The following ABCC1 variants were observed in gnomAD, a reference collection of about 807,000 sequenced individuals.
The protein encoded by ABCC1 is ATP binding cassette subfamily C member 1 (ABCC1 blood group), also known as multidrug resistance-associated protein 1.
Under a neutral mutation model 172.9 loss-of-function variants are expected in ABCC1, and 83 were observed. That is an observed-to-expected ratio of 0.48 (90% CI 0.40 to 0.58). The LOEUF (loss-of-function observed/expected upper bound fraction) is 0.58. ABCC1 is among the 20% of genes least tolerant of loss of function. The pLI is 0.00. For missense variants in ABCC1, 1,817 were observed against 2,002.7 expected (o/e 0.91, Z 1.77); for synonymous variants, 937 against 825.2 (o/e 1.14, Z -2.32).
intron 1 of ABCC1, among the ~76,000 whole-genome samples, chr16:15,954,153 G>A (rs557945784): frequency 1.3e-5 from 2 of 151,642 alleles, no homozygotes; most frequent in East Asian, 3.9e-4. Context: ...GATTACAGGC[G>A]CACAGCCACC....
At chr16:16,033,208 G>A (rs1421631217) in intron 6 of ABCC1, 38 bp downstream of exon 6, 1 of 1,581,200 alleles carries the variant, frequency 6.3e-7, no homozygotes, top group African/African-American at 1.3e-5. Flanking sequence ...GAGGTGGTGG[G>A]GAGTGAATGA....
intron 5 of ABCC1, among the ~76,000 whole-genome samples, chr16:16,026,520 C>T (rs570964540): frequency 1.4e-5 from 2 of 138,234 alleles, no homozygotes; most frequent in East Asian, 4.3e-4. Flanking sequence ...TGTTGGCCTC[C>T]CTATCGGTCA....
intron 1 of ABCC1, among the ~76,000 whole-genome samples, chr16:15,968,249 G>C (rs1005351605): frequency 1.3e-5 from 2 of 152,102 alleles, no homozygotes; most frequent in African/African-American, 4.8e-5. Context: ...AGCCAGGCTG[G>C]TCTCGAATTC....
chr16:16,087,194 C>T (rs1360316356), intron 18 of ABCC1, among the ~76,000 whole-genome samples: 10 of 152,146 alleles, frequency 6.6e-5, no homozygotes, highest in East Asian at 1.9e-4. Context: ...AAGTCCTCCG[C>T]GCAGAGTTAA....
At chr16:16,038,364 C>T (rs963295169) in intron 7 of ABCC1, among the ~76,000 whole-genome samples, 3 of 152,214 alleles carry the variant, frequency 2.0e-5, no homozygotes, top group African/African-American at 7.2e-5. Context: ...TGGTGGAATT[C>T]TCAGTCCATA....
chr16:15,986,430 T>A (rs1020392612), intron 1 of ABCC1, among the ~76,000 whole-genome samples: 3 of 152,194 alleles, frequency 2.0e-5, no homozygotes, highest in African/African-American at 4.8e-5. Flanking sequence ...AAGCCAGCAT[T>A]ACCACCTGAA....
chr16:16,106,683 C>T lies in ABCC1; in HGVS notation c.2736-55C>T, dbSNP rs879050202. ...AATAGCAGTCCCAGCAGGGAGCCCTCCGACCCTGCCCAAGGCATCTGTACG... is the reference window on the plus strand; with the variant it reads ...AATAGCAGTCCCAGCAGGGAGCCCTTCGACCCTGCCCAAGGCATCTGTACG... On this transcript the variant is annotated intron_variant, in intron 20 of 30. Transcript: ENST00000399410. 751 of 1,610,234 alleles carry T rather than the reference C, an allele frequency of 4.7e-4. 3 individuals are homozygous for T. Among genetic ancestry groups the T allele is most frequent in the Admixed American group, 6.5e-4 (39 of 59,936 alleles).
At chr16:15,956,844 G>C (rs2046008512) in intron 1 of ABCC1, among the ~76,000 whole-genome samples, 1 of 152,112 alleles carries the variant, frequency 6.6e-6, no homozygotes, top group Non-Finnish European at 1.5e-5. Flanking sequence ...TGCTATCTCA[G>C]GGATGGCAGA....
chr16:16,138,446 G>A lies in ABCC1; in HGVS notation c.4375G>A (p.Ala1459Thr), dbSNP rs748516564. The change falls in exon 30 of 31, where the codon GCC becomes ACC. Residue 1459 changes from alanine to threonine, a missense_variant. This residue lies in a region of ABCC1 where 1,412 missense variants were observed against 1,600.3 expected (regional missense o/e 0.88). Transcript: ENST00000399410. The part of the protein sequence containing the change: ...KILVLDEATA[A>T]VDLETDDLIQ... ...CCTTGTGTTGGATGAGGCCACGGCA[G>A]CCGTGGACCTGGAAACGGACGACCT... The A allele has an allele frequency of 6.2e-7, 1 of 1,613,074 alleles. No homozygotes were observed. The highest frequency in any genetic ancestry group is 8.5e-7 in the Non-Finnish European group (1 of 1,179,238).
intron 1 of ABCC1, among the ~76,000 whole-genome samples, chr16:15,967,726 C>G (rs2151522411): frequency 1.4e-5 from 2 of 147,674 alleles, no homozygotes; most frequent in Middle Eastern, 3.5e-3. Context: ...CACCACTGCA[C>G]TCCAGCCTGG....
intron 27 of ABCC1, among the ~76,000 whole-genome samples, chr16:16,132,581 G>A (rs988138850): frequency 2.1e-5 from 3 of 140,014 alleles, no homozygotes; most frequent in African/African-American, 5.2e-5. Context: ...GAGTGCAGGG[G>A]CCCGATCTCA....
At chr16:16,106,616 A>G (rs1350269741) in intron 20 of ABCC1, 122 bp from the exon 21 acceptor site, 1 of 1,163,306 alleles carries the variant, frequency 8.6e-7, no homozygotes, top group African/African-American at 1.5e-5. Flanking sequence ...ACATGTGTGC[A>G]TGTGGAAACA....
Position 15,966,667 on chromosome 16 carries a change from T to A in ABCC1, c.48+16868T>A, listed in dbSNP as rs557742381. Among the ~76,000 whole-genome samples, 958 of 151,020 alleles carry A rather than the reference T, an allele frequency of 6.3e-3. 9 individuals are homozygous for A. The highest frequency in any genetic ancestry group is 0.02 in the African/African-American group (820 of 41,206). ...TCTCTCTCTCTTTTTTTTTTTTTTTTAGAGACAGAGACTCACTCTGTTGCC... is the reference window on the plus strand; with the variant it reads ...TCTCTCTCTCTTTTTTTTTTTTTTTAAGAGACAGAGACTCACTCTGTTGCC... On this transcript the variant is annotated intron_variant, in intron 1 of 30. Coordinates refer to ENST00000399410, the MANE Select transcript of ABCC1 (RefSeq NM_004996.4).
At position 16,121,970 on chromosome 16, in the gene ABCC1, C is replaced by T. The variant is rs2045179900; in HGVS notation, c.3391-5C>T. 1.9e-6 allele frequency: 3 copies of T among 1,614,028 alleles called. No homozygotes were observed. Among genetic ancestry groups the T allele is most frequent in the African/African-American group, 1.3e-5 (1 of 74,920 alleles). Reference sequence around the variant, plus strand: ...TCAACTCCCCGCGTCTGTTCTCTACCCCAGAGGTTCTACGTGGCTTCCTCC... The same window carrying T: ...TCAACTCCCCGCGTCTGTTCTCTACTCCAGAGGTTCTACGTGGCTTCCTCC... On this transcript the variant is annotated splice_polypyrimidine_tract_variant and splice_region_variant and intron_variant, in intron 23 of 30. Transcript: ENST00000399410.
At position 16,036,513 on chromosome 16, in the gene ABCC1, A is replaced by G. The variant is rs1451119275; in HGVS notation, c.719A>G (p.Asp240Gly). 6.2e-7 allele frequency: 1 copy of G among 1,613,740 alleles called. No homozygotes were observed. The highest frequency in any genetic ancestry group is 8.5e-7 in the Non-Finnish European group (1 of 1,179,894). ...TACCGCCAGCCCCTGGAGGGCAGTG[A>G]CCTCTGGTCCTTAAACAAGGAGGAC... Reference protein sequence around the residue: ...RGYRQPLEGSDLWSLNKEDTS... With the variant: ...RGYRQPLEGSGLWSLNKEDTS... Residue 240 changes from aspartate to glycine, a missense_variant, in exon 7 of 31, where the codon GAC (aspartate) becomes GGC (glycine). This residue lies in a region of ABCC1 where 398 missense variants were observed against 384.2 expected (regional missense o/e 1.04). Transcript: ENST00000399410.
intron 12 of ABCC1, among the ~76,000 whole-genome samples, chr16:16,065,477 C>T (rs1051833341): frequency 2.0e-5 from 3 of 152,012 alleles, no homozygotes; most frequent in Admixed American, 6.6e-5. Flanking sequence ...CTGTTGCACA[C>T]GCTGGGGTGC....
intron 1 of ABCC1, among the ~76,000 whole-genome samples, chr16:15,952,005 A>G (rs1417014974): frequency 2.6e-5 from 4 of 151,994 alleles, no homozygotes; most frequent in East Asian, 3.9e-4. Context: ...TGTGTTTTTC[A>G]AGGTAGCGTG....
chr16:16,013,072 A>G (rs935106164), intron 3 of ABCC1, among the ~76,000 whole-genome samples: 2 of 152,058 alleles, frequency 1.3e-5, no homozygotes, highest in Non-Finnish European at 2.9e-5. Flanking sequence ...TTGACTCCTC[A>G]GGGGACTCTG....
intron 1 of ABCC1, among the ~76,000 whole-genome samples, chr16:15,951,402 ATTTTCTT>A (rs2045869417): frequency 6.6e-6 from 1 of 152,052 alleles, no homozygotes; most frequent in Middle Eastern, 3.4e-3. Flanking sequence ...TAAAATTTTT[ATTTTCTT>A]TTTTCTTTTT....
Sources: gnomAD v4.1 joint callset for allele counts (sites outside exome capture counted in the v4.1 genomes callset) on GRCh38, gnomAD v4.1.1 for gene constraint, gnomAD v4.1.1 regional missense constraint, MANE v1.5 for transcripts, NCBI Gene and HGNC (gene_info 2026-07-23, HGNC 2026-07-21) for gene names.